GUCY2C: variants seen among roughly 807,000 people sequenced by gnomAD.
The protein encoded by GUCY2C is guanylate cyclase 2C, also known as guanylyl cyclase C.
Under a neutral mutation model 131.1 loss-of-function variants are expected in GUCY2C, and 118 were observed. That is an observed-to-expected ratio of 0.90 (90% CI 0.78 to 1.05). The LOEUF is 1.05. Ranked by LOEUF, GUCY2C falls within the 50% of genes least tolerant of loss-of-function variation. The pLI is 0.00. For synonymous variants in GUCY2C, 452 were observed against 457.8 expected (o/e 0.99, Z 0.16); for missense variants, 1,161 against 1,304.4 (o/e 0.89, Z 1.69).
chr12:14,662,568 C>T (rs1017941800), intron 10 of GUCY2C, among the ~76,000 whole-genome samples: 1 of 149,860 alleles, frequency 6.7e-6, no homozygotes, highest in African/African-American at 2.5e-5. Context: ...CCCAGCTATT[C>T]GGGAGGCTGA....
At chr12:14,638,220 A>G (rs1253476757) in intron 19 of GUCY2C, among the ~76,000 whole-genome samples, 1 of 152,222 alleles carries the variant, frequency 6.6e-6, no homozygotes, top group East Asian at 1.9e-4. Flanking sequence ...ATAATAACAG[A>G]TGCTGGCAAG....
At chr12:14,689,300 G>A (rs1170983795) in intron 1 of GUCY2C, among the ~76,000 whole-genome samples, 1 of 152,134 alleles carries the variant, frequency 6.6e-6, no homozygotes, top group African/African-American at 2.4e-5. Context: ...GTGGGTGAAG[G>A]GAACTCCTAT....
chr12:14,638,192 C>T (rs1205687540), intron 19 of GUCY2C, among the ~76,000 whole-genome samples: 1 of 152,136 alleles, frequency 6.6e-6, no homozygotes, highest in East Asian at 1.9e-4. Flanking sequence ...GTTAGAATGG[C>T]TATTACTAAA....
At position 14,619,241 on chromosome 12, in the gene GUCY2C, T is replaced by C; in HGVS notation, c.2845A>G (p.Thr949Ala). 1 of 1,610,890 alleles carries C rather than the reference T, an allele frequency of 6.2e-7. No individual in the cohort carries two copies. The highest frequency in any genetic ancestry group is 8.5e-7 in the Non-Finnish European group (1 of 1,177,154). The change falls in exon 24 of 27, where the codon ACA becomes GCA. Residue 949 changes from threonine to alanine, a missense_variant. By Grantham distance (58) the Thr-to-Ala change is moderately conservative. Coordinates refer to ENST00000261170, the MANE Select transcript of GUCY2C (RefSeq NM_004963.4). ...RYCLFGDTVN[T>A]ASRMESTGLP... ...CCAGTGGATTCCATCCTAGAGGCTGTGTTGACCGTATCTCCAAATAGACAA... is the reference window on the plus strand; with the variant it reads ...CCAGTGGATTCCATCCTAGAGGCTGCGTTGACCGTATCTCCAAATAGACAA...
intron 4 of GUCY2C, among the ~76,000 whole-genome samples, chr12:14,682,594 C>G (rs1180575505): frequency 6.6e-6 from 1 of 152,182 alleles, no homozygotes; most frequent in East Asian, 1.9e-4. Flanking sequence ...TGTTTCTCCC[C>G]TACCTCTTGT....
intron 15 of GUCY2C, among the ~76,000 whole-genome samples, chr12:14,649,254 A>G (rs1480321772): frequency 6.6e-6 from 1 of 152,244 alleles, no homozygotes; most frequent in Non-Finnish European, 1.5e-5. Flanking sequence ...TTAGGAGCCA[A>G]GAATGAAGAC....
intron 1 of GUCY2C, among the ~76,000 whole-genome samples, chr12:14,689,111 G>A (rs1400942037): frequency 6.6e-6 from 1 of 152,172 alleles, no homozygotes; most frequent in Non-Finnish European, 1.5e-5. Context: ...AACAAATGCA[G>A]GGAGACTAGT....
At chr12:14,684,288 C>CA (rs1948413572) in intron 3 of GUCY2C, among the ~76,000 whole-genome samples, 1 of 152,146 alleles carries the variant, frequency 6.6e-6, no homozygotes, top group Admixed American at 6.5e-5. Flanking sequence ...CTGGTTAATA[C>CA]AGAGTTCTTC....
At chr12:14,667,457 C>T (rs975749186) in intron 10 of GUCY2C, among the ~76,000 whole-genome samples, 2 of 152,126 alleles carry the variant, frequency 1.3e-5, no homozygotes, top group Non-Finnish European at 2.9e-5. Flanking sequence ...TCTTCATTCC[C>T]CCCTCCCTCA....
At chr12:14,637,195 C>CTA (rs1947288272) in intron 19 of GUCY2C, among the ~76,000 whole-genome samples, 3 of 10,434 alleles carry the variant, frequency 2.9e-4, no homozygotes, top group African/African-American at 4.8e-4. Context: ...ACAATAGCTA[C>CTA]CAAAAAAAAA....
chr12:14,695,364 G>T (rs1289447175), intron 1 of GUCY2C, among the ~76,000 whole-genome samples: 1 of 152,022 alleles, frequency 6.6e-6, no homozygotes, highest in African/African-American at 2.4e-5. Context: ...GATTGCAAAT[G>T]TTTTATATTA....
Position 14,687,399 on chromosome 12 carries a change from C to G in GUCY2C, c.330+552G>C, listed in dbSNP as rs569334199. On this transcript the variant is annotated intron_variant, in intron 2 of 26. Coordinates refer to ENST00000261170, the MANE Select transcript of GUCY2C (RefSeq NM_004963.4). Reference sequence around the variant, plus strand: ...CTTTGGGAGGCCAATGGGGGCAGATCACTTAAGCTCAGGAGTTTGAGACCA... The same window carrying G: ...CTTTGGGAGGCCAATGGGGGCAGATGACTTAAGCTCAGGAGTTTGAGACCA... Among the ~76,000 whole-genome samples the G allele has an allele frequency of 1.2e-3, 188 of 152,276 alleles. 1 individual carries two copies. Among genetic ancestry groups the G allele is most frequent in the African/African-American group, 4.5e-3 (185 of 41,558 alleles).
chr12:14,658,548 C>G (rs904614472), intron 11 of GUCY2C, among the ~76,000 whole-genome samples: 1 of 152,076 alleles, frequency 6.6e-6, no homozygotes, highest in Middle Eastern at 3.2e-3. Flanking sequence ...TGGTGGTACA[C>G]GCCTGTAATT....
intron 10 of GUCY2C, among the ~76,000 whole-genome samples, chr12:14,666,601 G>A (rs1374657336): frequency 1.3e-5 from 2 of 151,960 alleles, no homozygotes; most frequent in African/African-American, 2.4e-5. Flanking sequence ...CGGGCGTGGC[G>A]GCAAACACCT....
At chr12:14,654,399 T>G (rs1226817261) in intron 12 of GUCY2C, among the ~76,000 whole-genome samples, 1 of 152,188 alleles carries the variant, frequency 6.6e-6, no homozygotes, top group African/African-American at 2.4e-5. Context: ...TAGCACCTGA[T>G]GAGCTCTCTG....
chr12:14,654,007 C>A (rs544426051), intron 12 of GUCY2C, among the ~76,000 whole-genome samples: 35 of 151,738 alleles, frequency 2.3e-4, no homozygotes, highest in African/African-American at 8.0e-4. Flanking sequence ...CTATTTGGAC[C>A]TCAGTTCCTT....
intron 7 of GUCY2C, among the ~76,000 whole-genome samples, chr12:14,676,370 G>A (rs1173515919): frequency 6.6e-6 from 1 of 152,136 alleles, no homozygotes; most frequent in Admixed American, 6.5e-5. Flanking sequence ...TTGGACAATG[G>A]TCAACTTAAT....
intron 1 of GUCY2C, among the ~76,000 whole-genome samples, chr12:14,694,559 C>G (rs1207717938): frequency 6.6e-6 from 1 of 152,168 alleles, no homozygotes; most frequent in East Asian, 1.9e-4. Context: ...TCCAGGTCCT[C>G]AAAGGACAAA....
chr12:14,662,635 C>G (rs2137056063), intron 10 of GUCY2C, among the ~76,000 whole-genome samples: 1 of 145,272 alleles, frequency 6.9e-6, no homozygotes, highest in African/African-American at 2.6e-5. Flanking sequence ...AAGATTGCAC[C>G]ACTGCTCTCC....
Sources: gnomAD v4.1 joint callset for allele counts (sites outside exome capture counted in the v4.1 genomes callset) on GRCh38, gnomAD v4.1.1 for gene constraint, MANE v1.5 for transcripts, NCBI Gene and HGNC (gene_info 2026-07-23, HGNC 2026-07-21) for gene names.